Variants in BTG4 observed in about 807,000 individuals in gnomAD.
The protein encoded by BTG4 is BTG anti-proliferation factor 4.
Under a neutral mutation model 19.3 loss-of-function variants are expected in BTG4, and 10 were observed. The ratio of observed to expected loss-of-function variants is 0.52; its 90% CI spans 0.32 to 0.88. The LOEUF (loss-of-function observed/expected upper bound fraction) is 0.88. Ranked by LOEUF, BTG4 falls within the 40% of genes least tolerant of loss-of-function variation. BTG4 has a pLI of 0.04. For synonymous variants in BTG4, 91 were observed against 95.7 expected (o/e 0.95, Z 0.29); for missense variants, 238 against 281.9 (o/e 0.84, Z 1.11).
chr11:111,396,490 C>T, the BTG4 span, among the ~76,000 whole-genome samples: 1 of 152,226 alleles, frequency 6.6e-6, no homozygotes, highest in Non-Finnish European at 1.5e-5. Flanking sequence ...ACATTCACTA[C>T]CCCCTTGTTT....
At chr11:111,445,569 C>T in the BTG4 span, among the ~76,000 whole-genome samples, 1 of 152,208 alleles carries the variant, frequency 6.6e-6, no homozygotes, top group Non-Finnish European at 1.5e-5. Context: ...TTGCCACATT[C>T]TAGGCCCAAC....
rs1865846082 is a variant in BTG4, at chr11:111,498,036, C to G, written c.273G>C (p.Glu91Asp). Residue 91 changes from glutamate (E) to aspartate (D), a missense_variant, in exon 3 of 5, where the codon GAG becomes GAC. Physicochemically the swap from Glu to Asp is conservative, Grantham distance 45 (BLOSUM62 2). Coordinates refer to ENST00000692032, the MANE Select transcript of BTG4 (RefSeq NM_001367975.1). ...CAAAGGGATCTACCCATATGGTCAT[C>G]TCCTTCGGAAGTCCCAGGTGAGAAA... The part of the protein sequence containing the change: ...VDFSHLGLPK[E>D]MTIWVDPFEV... The G allele has an allele frequency of 6.2e-7, 1 of 1,614,032 alleles. No homozygotes were observed. The highest frequency in any genetic ancestry group is 1.3e-5 in the African/African-American group (1 of 74,936).
intron 5 of BTG4, among the ~76,000 whole-genome samples, chr11:111,477,094 C>T (rs1864438833): frequency 6.6e-6 from 1 of 152,138 alleles, no homozygotes; most frequent in Admixed American, 6.5e-5. Context: ...CTGATCAAGG[C>T]ATCTACCAGG....
downstream of BTG4, among the ~76,000 whole-genome samples, chr11:111,463,883 C>T (rs149670614): frequency 9.8e-5 from 15 of 152,308 alleles, no homozygotes; most frequent in African/African-American, 3.1e-4. Flanking sequence ...TCCTTGCCTG[C>T]TGTTGGCCAG....
chr11:111,495,409 G>T, intron 4 of BTG4, 95 bp from the exon 5 acceptor site: 1 of 1,054,762 alleles, frequency 9.5e-7, no homozygotes, highest in Non-Finnish European at 1.4e-6. Flanking sequence ...AAAGCATAGG[G>T]AGCACAAATG....
In BTG4 at chr11:111,499,741, T is replaced by G. The variant is rs141455858; in HGVS notation, c.-26-939A>C. On this transcript the variant is annotated intron_variant, in intron 1 of 4. Coordinates refer to ENST00000692032, the MANE Select transcript of BTG4 (RefSeq NM_001367975.1). ...GACTACACATTTTTTACTAAAGTGT[T>G]TATTTGTAGGATAAGTGGAAGAGAT... 1.6e-4 allele frequency among the ~76,000 whole-genome samples: 24 copies of G among 152,294 alleles called. 1 individual carries two copies. Among genetic ancestry groups the G allele is most frequent in the African/African-American group, 5.5e-4 (23 of 41,558 alleles).
chr11:111,509,474 C>T (rs919658425), intron 1 of BTG4, among the ~76,000 whole-genome samples: 1 of 151,938 alleles, frequency 6.6e-6, no homozygotes, highest in African/African-American at 2.4e-5. Context: ...TGCGGTGGAT[C>T]GCCTGAGGTC....
At chr11:111,500,962 TAA>T (rs1195183209) in intron 1 of BTG4, among the ~76,000 whole-genome samples, 1 of 152,138 alleles carries the variant, frequency 6.6e-6, no homozygotes, top group Non-Finnish European at 1.5e-5. Flanking sequence ...ATTGCAACTT[TAA>T]GACTCACCAT....
intron 5 of BTG4, among the ~76,000 whole-genome samples, chr11:111,486,963 C>A (rs1865102925): frequency 6.6e-6 from 1 of 152,008 alleles, no homozygotes. Context: ...TATCCTGATG[C>A]TCTCCCTCCC....
the BTG4 span, among the ~76,000 whole-genome samples, chr11:111,407,855 G>C: frequency 2.0e-5 from 3 of 152,202 alleles, no homozygotes; most frequent in Non-Finnish European, 4.4e-5. Context: ...TTTGCACCCA[G>C]GTGGGGCTGT....
At chr11:111,385,480 C>T in the BTG4 span, 1 of 151,904 alleles carries the variant, frequency 6.6e-6, no homozygotes, top group Admixed American at 6.6e-5. Flanking sequence ...AAATTATAGG[C>T]CATCTAATTT....
intron 1 of BTG4, among the ~76,000 whole-genome samples, chr11:111,499,505 T>C (rs1865937882): frequency 6.6e-6 from 1 of 152,356 alleles, no homozygotes; most frequent in Middle Eastern, 3.4e-3. Flanking sequence ...TTTGAAGTGT[T>C]TAAAATTTTC....
the BTG4 span, among the ~76,000 whole-genome samples, chr11:111,456,283 G>A: frequency 1.8e-4 from 28 of 152,122 alleles, no homozygotes; most frequent in Admixed American, 1.8e-3. This position sits in a 1 kb window ranked among gnomAD's most constrained non-coding sequence, Gnocchi z 4.2. Flanking sequence ...CATTTCCCGA[G>A]GCTTTTCCAG....
chr11:111,456,363 A>AC, the BTG4 span, among the ~76,000 whole-genome samples: 1 of 151,780 alleles, frequency 6.6e-6, no homozygotes, highest in Non-Finnish European at 1.5e-5. The surrounding 1 kb of genome is among the most constrained non-coding windows in gnomAD (Gnocchi z 4.2). Flanking sequence ...CAAAGATGAG[A>AC]CCCCTGCCCC....
chr11:111,392,940 T>C, the BTG4 span, among the ~76,000 whole-genome samples: 2 of 152,162 alleles, frequency 1.3e-5, no homozygotes, highest in Non-Finnish European at 2.9e-5. Context: ...CCAAAAGGGA[T>C]AGCCATTCTT....
chr11:111,390,228 T>C, the BTG4 span, among the ~76,000 whole-genome samples: 1 of 152,204 alleles, frequency 6.6e-6, no homozygotes, highest in South Asian at 2.1e-4. Flanking sequence ...ATCCATCCAT[T>C]CATTCATTCA....
At chr11:111,467,630 CCTT>C (rs1421800144) in exon 6 of BTG4, 1 of 761,474 alleles carries the variant, frequency 1.3e-6, no homozygotes, top group Non-Finnish European at 2.4e-6. Flanking sequence ...TTCCAAGGTG[CCTT>C]CTTCTACCAG....
chr11:111,385,751 A>G, the BTG4 span: 1 of 152,238 alleles, frequency 6.6e-6, no homozygotes. Context: ...AATTTAAGAA[A>G]AATAACTCTT....
At chr11:111,482,672 A>G (rs1864812038) in intron 5 of BTG4, among the ~76,000 whole-genome samples, 1 of 152,196 alleles carries the variant, frequency 6.6e-6, no homozygotes. Context: ...CAAAGATGCA[A>G]GAACAATTTG....
Sources: allele counts gnomAD v4.1 joint callset (sites outside exome capture counted in the v4.1 genomes callset), GRCh38; gene constraint gnomAD v4.1.1; non-coding constraint Gnocchi (gnomAD v3.1); transcripts MANE v1.5; gene names NCBI Gene and HGNC (gene_info 2026-07-23, HGNC 2026-07-21).